CNOT6L: variants seen among roughly 807,000 people sequenced by gnomAD.
The protein encoded by CNOT6L is CCR4-NOT transcription complex subunit 6-like.
Under a neutral mutation model 64.0 loss-of-function variants are expected in CNOT6L, and 7 were observed. The ratio of observed to expected loss-of-function variants is 0.11; its 90% CI spans 0.06 to 0.21. The LOEUF (loss-of-function observed/expected upper bound fraction) is 0.21, where lower values mean the gene tolerates loss of function less well. CNOT6L is among the 10% of genes least tolerant of loss of function. The pLI, the probability that CNOT6L is intolerant of heterozygous loss-of-function variation, is 1.00. For missense variants in CNOT6L, 245 were observed against 669.0 expected, an observed-to-expected ratio of 0.37 and a Z score of 6.99; for synonymous variants, 193 against 243.4, an observed-to-expected ratio of 0.79 and a Z score of 1.93.
At chr4:77,741,504 T>G (rs1328497198) in intron 8 of CNOT6L, among the ~76,000 whole-genome samples, 3 of 152,212 alleles carry the variant, frequency 2.0e-5, no homozygotes, top group Non-Finnish European at 4.4e-5. Flanking sequence ...CAGTCAACCC[T>G]TTTAACTCTC....
At chr4:77,759,490 G>A (rs922801914) in intron 4 of CNOT6L, among the ~76,000 whole-genome samples, 3 of 151,800 alleles carry the variant, frequency 2.0e-5, no homozygotes, top group Admixed American at 6.6e-5. Context: ...GTATGAACCC[G>A]GGAGGCAGAG....
chr4:77,787,681 T>C (rs570479366), intron 1 of CNOT6L, among the ~76,000 whole-genome samples: 1 of 152,328 alleles, frequency 6.6e-6, no homozygotes, highest in South Asian at 2.1e-4. Flanking sequence ...ACACTATCTA[T>C]TTCTAAATTT....
At chr4:77,748,502 TA>T in intron 5 of CNOT6L, 118 bp from the exon 6 acceptor site, 1 of 695,932 alleles carries the variant, frequency 1.4e-6, no homozygotes. Context: ...CAAACTGACT[TA>T]ATCTAATGCT....
At chr4:77,756,113 A>C (rs896210899) in intron 5 of CNOT6L, among the ~76,000 whole-genome samples, 2 of 152,080 alleles carry the variant, frequency 1.3e-5, no homozygotes, top group Non-Finnish European at 2.9e-5. Flanking sequence ...CCTCCAGAGA[A>C]GCTTGGATTA....
intron 5 of CNOT6L, among the ~76,000 whole-genome samples, chr4:77,755,223 G>GTT (rs869054667): frequency 3.1e-4 from 22 of 70,434 alleles, no homozygotes; most frequent in Middle Eastern, 0.014. Flanking sequence ...AGAGACAAGA[G>GTT]TTTTTTTTTT....
intron 1 of CNOT6L, among the ~76,000 whole-genome samples, chr4:77,796,773 T>C (rs1341422072): frequency 6.6e-6 from 1 of 151,996 alleles, no homozygotes; most frequent in African/African-American, 2.4e-5. Flanking sequence ...ACATGGTCAA[T>C]TAATTTTCAA....
rs1208159630 is a variant in CNOT6L, at chr4:77,715,227, T to C, written c.*5204A>G. On this transcript the variant is annotated 3_prime_UTR_variant, in exon 12 of 12. Transcript: ENST00000504123. ...AAGATTCTGAAAGCTGAATGGACCA[T>C]GCTACCACCATGCCAAAAGAGTCAT... The C allele has an allele frequency of 6.6e-6, 1 of 152,118 alleles. No individual in the cohort carries two copies. Among genetic ancestry groups the C allele is most frequent in the Non-Finnish European group, 1.5e-5 (1 of 68,006 alleles). The allele number at this position is 152,118 out of a possible 1,614,324, so 9.4% of individuals were successfully genotyped here.
chr4:77,791,413 G>A (rs186957772), intron 1 of CNOT6L, among the ~76,000 whole-genome samples: 145 of 151,504 alleles, frequency 9.6e-4, no homozygotes, highest in African/African-American at 3.0e-3. Context: ...AAATGTGTAC[G>A]GTTAAAAAAA....
chr4:77,747,385 C>T (rs1724314108), intron 6 of CNOT6L, among the ~76,000 whole-genome samples: 1 of 152,152 alleles, frequency 6.6e-6, no homozygotes, highest in Non-Finnish European at 1.5e-5. Flanking sequence ...CCAAGCTAAT[C>T]TTGAACTCCT....
At chr4:77,768,296 C>A (rs916533353) in intron 4 of CNOT6L, among the ~76,000 whole-genome samples, 1 of 151,702 alleles carries the variant, frequency 6.6e-6, no homozygotes, top group Non-Finnish European at 1.5e-5. Context: ...GAAACCCCGT[C>A]TCTATTAAAA....
chr4:77,819,540 C>T (rs1381624237), upstream of CNOT6L: 2 of 610,978 alleles, frequency 3.3e-6, no homozygotes, highest in South Asian at 2.4e-5. Flanking sequence ...CGGGCGGGCG[C>T]GCAGGGAACC....
chr4:77,779,973 A>G (rs1728681960), intron 1 of CNOT6L, among the ~76,000 whole-genome samples: 1 of 152,116 alleles, frequency 6.6e-6, no homozygotes, highest in Non-Finnish European at 1.5e-5. Flanking sequence ...CAATCAATCA[A>G]TCAATAACAG....
In CNOT6L at chr4:77,717,035, T is replaced by C. The variant is rs1720817697; in HGVS notation, c.*3396A>G. ...TATTCAGCTATGTTATTATACAAAA[T>C]TTTTTTTACATAAAACATCATAAAT... On this transcript the variant is annotated 3_prime_UTR_variant, in exon 12 of 12. Coordinates refer to ENST00000504123, the MANE Select transcript of CNOT6L (RefSeq NM_144571.3). The C allele has an allele frequency of 6.6e-6, 1 of 152,332 alleles. No individual in the cohort carries two copies. The highest frequency in any genetic ancestry group is 1.5e-5 in the Non-Finnish European group (1 of 67,966). The allele number at this position is 152,332 out of a possible 1,614,324, so 9.4% of individuals were successfully genotyped here. A position where few individuals can be genotyped will look rare whatever the true frequency, so the allele number is the denominator to read the frequency against.
chr4:77,772,464 C>CA (rs1553893036), intron 4 of CNOT6L, among the ~76,000 whole-genome samples: 1 of 145,260 alleles, frequency 6.9e-6, no homozygotes, highest in African/African-American at 2.5e-5. Context: ...CTAGTATTCC[C>CA]TTTTTTTTTT....
At chr4:77,780,113 T>C (rs1415168551) in intron 1 of CNOT6L, among the ~76,000 whole-genome samples, 1 of 152,220 alleles carries the variant, frequency 6.6e-6, no homozygotes, top group Non-Finnish European at 1.5e-5. Flanking sequence ...TAACTTAAAA[T>C]TATGAAATAA....
chr4:77,794,087 G>C (rs574620728), intron 1 of CNOT6L, among the ~76,000 whole-genome samples: 10 of 126,496 alleles, frequency 7.9e-5, no homozygotes, highest in Non-Finnish European at 1.3e-4. Context: ...AGAAGGCGGA[G>C]GTTGCAGTGA....
intron 7 of CNOT6L, among the ~76,000 whole-genome samples, chr4:77,743,586 C>CTTTTTTTTTTTT (rs142888128): frequency 1.4e-5 from 1 of 70,872 alleles, no homozygotes; most frequent in Non-Finnish European, 2.4e-5. Flanking sequence ...TAACACACAA[C>CTTTTTTTTTTTT]TTTTTTTTTT....
chr4:77,771,117 C>T (rs925559626), intron 4 of CNOT6L, among the ~76,000 whole-genome samples: 3 of 152,110 alleles, frequency 2.0e-5, no homozygotes, highest in African/African-American at 4.8e-5. Flanking sequence ...GTCGGGAGTT[C>T]AAGATCAGCC....
At chr4:77,735,018 C>T (rs1191699091) in intron 8 of CNOT6L, among the ~76,000 whole-genome samples, 1 of 152,164 alleles carries the variant, frequency 6.6e-6, no homozygotes. Context: ...ATATACTGCT[C>T]AGATTCCTCA....
Sources: allele counts gnomAD v4.1 joint callset (sites outside exome capture counted in the v4.1 genomes callset), GRCh38; gene constraint gnomAD v4.1.1; transcripts MANE v1.5; gene names NCBI Gene and HGNC (gene_info 2026-07-23, HGNC 2026-07-21).